Variants in INO80 observed in about 807,000 individuals in gnomAD.
INO80 encodes INO80 complex ATPase subunit, also known as chromatin-remodeling ATPase INO80.
In INO80, 20 loss-of-function variants were observed where a neutral mutation model predicts 203.4. That is an observed-to-expected ratio of 0.10 (90% CI 0.07 to 0.14). The LOEUF (loss-of-function observed/expected upper bound fraction) is 0.14. Among genes scored for constraint, INO80 ranks in the 10% least tolerant of loss-of-function variants. The pLI, the probability that INO80 is intolerant of heterozygous loss-of-function variation, is 1.00. For missense variants in INO80, 1,419 were observed against 1,914.4 expected, an observed-to-expected ratio of 0.74 and a Z score of 4.83; for synonymous variants, 726 against 685.2, an observed-to-expected ratio of 1.06 and a Z score of -0.93.
At chr15:41,044,583 T>C (rs1010772771) in intron 24 of INO80, among the ~76,000 whole-genome samples, 8 of 152,282 alleles carry the variant, frequency 5.3e-5, no homozygotes, top group Middle Eastern at 3.4e-3. Flanking sequence ...GAAAGGAGCA[T>C]GAGGGAGCTG....
chr15:41,032,893 C>T (rs1470266373), intron 24 of INO80, among the ~76,000 whole-genome samples: 1 of 152,056 alleles, frequency 6.6e-6, no homozygotes, highest in Non-Finnish European at 1.5e-5. Flanking sequence ...CAAAAATTAG[C>T]CAGGGGTGGT....
intron 4 of INO80, 112 bp from the exon 5 acceptor site, chr15:41,092,294 A>C (rs2045657270): frequency 1.4e-6 from 1 of 711,660 alleles, no homozygotes; most frequent in Non-Finnish European, 2.2e-6. Flanking sequence ...AAAGATAGTC[A>C]CTCCAGTTCC....
intron 28 of INO80, among the ~76,000 whole-genome samples, chr15:41,001,595 G>A (rs2043959349): frequency 6.6e-6 from 1 of 152,176 alleles, no homozygotes; most frequent in African/African-American, 2.4e-5. Context: ...GGGTTAGGAG[G>A]AAGGGAAGCA....
intron 23 of INO80, 47 bp downstream of exon 23, chr15:41,047,361 A>T (rs1254164166): frequency 6.0e-6 from 7 of 1,159,006 alleles, no homozygotes; most frequent in African/African-American, 1.5e-5. Flanking sequence ...TATCTATCCC[A>T]TTTATTCCTA....
intron 28 of INO80, among the ~76,000 whole-genome samples, chr15:41,000,335 G>A (rs1170119431): frequency 1.3e-5 from 2 of 152,044 alleles, no homozygotes; most frequent in African/African-American, 4.8e-5. Flanking sequence ...TGGGAGTATG[G>A]GGGACTGGTG....
At chr15:41,028,400 T>C (rs1211963401) in intron 24 of INO80, among the ~76,000 whole-genome samples, 1 of 152,182 alleles carries the variant, frequency 6.6e-6, no homozygotes, top group Non-Finnish European at 1.5e-5. Flanking sequence ...CCTCCCAAAG[T>C]GCTGGGATTA....
At chr15:41,084,620 T>C (rs919221233) in intron 7 of INO80, among the ~76,000 whole-genome samples, 6 of 152,198 alleles carry the variant, frequency 3.9e-5, no homozygotes, top group African/African-American at 7.2e-5. Flanking sequence ...GAAAAATGCT[T>C]ATACATGTTT....
In INO80 at chr15:41,115,991, G is replaced by A. The variant is rs1365622683; in HGVS notation, c.-62C>T. On this transcript the variant is annotated 5_prime_UTR_variant, in exon 1 of 36. Coordinates refer to ENST00000648947, the MANE Select transcript of INO80 (RefSeq NM_017553.3). ...GCCTCACCTCGGGCCGCCTGGCCCC[G>A]CCGCCGCGACGGCGGCGGAGGGGGG... is the stretch of plus-strand genomic sequence containing the variant. 3 of 385,902 alleles carry A rather than the reference G, an allele frequency of 7.8e-6. No homozygotes were observed. The highest frequency in any genetic ancestry group is 4.2e-5 in the African/African-American group (2 of 48,118). 23.9% of individuals were successfully genotyped at this position (385,902 alleles called of 1,614,324 possible).
At position 41,092,162 on chromosome 15, in the gene INO80, T is replaced by C; in HGVS notation, c.402A>G (p.Glu134=). 6.2e-7 allele frequency: 1 copy of C among 1,605,744 alleles called. No individual in the cohort carries two copies. The highest frequency in any genetic ancestry group is 8.5e-7 in the Non-Finnish European group (1 of 1,173,280). Residue 134 remains glutamate (E), a synonymous_variant, in exon 5 of 36, where the codon GAA becomes GAG. Coordinates refer to ENST00000648947, the MANE Select transcript of INO80 (RefSeq NM_017553.3). ...CACTCTGAGAATCAGCCTCGCTGGA[T>C]TCATCACTTAGCAGAATGCTCTGAA... ...KWLKSILLSD[E]SSEADSQSED... is the part of the protein sequence containing the mutation.
chr15:41,113,595 A>C (rs1596336605), intron 1 of INO80, among the ~76,000 whole-genome samples: 1 of 151,984 alleles, frequency 6.6e-6, no homozygotes, highest in Non-Finnish European at 1.5e-5. Context: ...TGAACCTCTA[A>C]CACCACAGCT....
chr15:41,036,457 A>G (rs1319734766), intron 24 of INO80, among the ~76,000 whole-genome samples: 4 of 152,146 alleles, frequency 2.6e-5, no homozygotes, highest in African/African-American at 9.7e-5. Flanking sequence ...TAAGTGCAAT[A>G]AGATCAATGA....
chr15:41,041,269 C>T (rs7178326), intron 24 of INO80, among the ~76,000 whole-genome samples: 150,616 of 151,860 alleles, frequency 0.99, 74,702 homozygotes, highest in Middle Eastern at 1. Flanking sequence ...TTGTATTTTT[C>T]TGGTAGAGAT....
chr15:40,987,340 T>C, intron 30 of INO80, 147 bp from the exon 31 acceptor site: 2 of 571,372 alleles, frequency 3.5e-6, no homozygotes, highest in South Asian at 4.7e-5. Flanking sequence ...TCATTTCAGT[T>C]CATCTGATTG....
chr15:41,083,627 T>C (rs2045517763), intron 7 of INO80, among the ~76,000 whole-genome samples: 2 of 146,592 alleles, frequency 1.4e-5, no homozygotes, highest in Admixed American at 1.4e-4. Context: ...AGTGGGAGAA[T>C]CGCTGAAACC....
chr15:41,090,788 C>T (rs1287138053), intron 5 of INO80, among the ~76,000 whole-genome samples: 1 of 151,620 alleles, frequency 6.6e-6, no homozygotes, highest in Non-Finnish European at 1.5e-5. Context: ...ATGTGAATTA[C>T]ATCTCAATAA....
At chr15:41,066,490 T>C (rs1241031464) in intron 14 of INO80, among the ~76,000 whole-genome samples, 1 of 151,838 alleles carries the variant, frequency 6.6e-6, no homozygotes, top group Non-Finnish European at 1.5e-5. Context: ...AAATACTATG[T>C]TCTATGTATT....
At chr15:41,070,011 T>TC (rs1199057382) in intron 13 of INO80, among the ~76,000 whole-genome samples, 1 of 152,234 alleles carries the variant, frequency 6.6e-6, no homozygotes, top group Non-Finnish European at 1.5e-5. Context: ...TGCTTTTTTT[T>TC]CAGTTTTACG....
intron 9 of INO80, among the ~76,000 whole-genome samples, chr15:41,075,275 C>CT (rs762541888): frequency 0.037 from 5,206 of 140,692 alleles, 250 homozygotes; most frequent in African/African-American, 0.12. Flanking sequence ...AGAAACTTTT[C>CT]TTTTTTTTTT....
chr15:41,079,966 A>G, intron 8 of INO80, 62 bp from the exon 9 acceptor site: 1 of 1,364,550 alleles, frequency 7.3e-7, no homozygotes, highest in Non-Finnish European at 1.0e-6. Flanking sequence ...TTCTTCCTGG[A>G]CTCTAAACCA....
Sources: allele counts gnomAD v4.1 joint callset (sites outside exome capture counted in the v4.1 genomes callset), GRCh38; gene constraint gnomAD v4.1.1; transcripts MANE v1.5; gene names NCBI Gene and HGNC (gene_info 2026-07-23, HGNC 2026-07-21).